ALS2CL: variants seen among roughly 807,000 people sequenced by gnomAD.
The protein encoded by ALS2CL is ALS2 C-terminal-like protein.
A neutral mutation model predicts 127.9 loss-of-function variants in ALS2CL; 112 were observed. The observed-to-expected ratio is 0.88, with a 90% confidence interval of 0.75 to 1.02. The LOEUF (loss-of-function observed/expected upper bound fraction) is 1.02, where lower values mean the gene tolerates loss of function less well. ALS2CL is among the 50% of genes least tolerant of loss of function. The probability of loss-of-function intolerance (pLI) is 0.00; values close to 1 mark genes in which losing one functional copy is unlikely to be tolerated. For synonymous variants in ALS2CL, 519 were observed against 527.6 expected (o/e 0.98, Z 0.22); for missense variants, 1,174 against 1,236.7 (o/e 0.95, Z 0.76).
At chr3:46,684,754 A>G (rs1199093463) in intron 7 of ALS2CL, among the ~76,000 whole-genome samples, 4 of 152,370 alleles carry the variant, frequency 2.6e-5, no homozygotes, top group South Asian at 4.1e-4. Flanking sequence ...GGGAAGGGAC[A>G]GTAGCTCATC....
intron 21 of ALS2CL, 34 bp downstream of exon 21, chr3:46,674,532 T>C: frequency 6.3e-7 from 1 of 1,589,574 alleles, no homozygotes; most frequent in Non-Finnish European, 8.6e-7. Flanking sequence ...GTTTGAGTCC[T>C]GGCTAACACG....
At chr3:46,692,981 G>C (rs1272638587) in intron 1 of ALS2CL, among the ~76,000 whole-genome samples, 1 of 152,134 alleles carries the variant, frequency 6.6e-6, no homozygotes, top group African/African-American at 2.4e-5. Context: ...TTTTTCATGG[G>C]CTGCCGTGGC....
intron 22 of ALS2CL, 37 bp from the exon 23 acceptor site, chr3:46,672,238 GC>G (rs1372333088): frequency 1.9e-6 from 3 of 1,610,576 alleles, no homozygotes; most frequent in Non-Finnish European, 1.7e-6. Context: ...TGAGGCCATG[GC>G]CCCCCAGCTC....
Position 46,675,685 on chromosome 3 carries a change from C to T in ALS2CL, c.2188G>A (p.Gly730Ser), listed in dbSNP as rs142971127. 14,458 of 1,613,614 alleles carry T rather than the reference C, an allele frequency of 9.0e-3. 84 individuals are homozygous for T. The highest frequency in any genetic ancestry group is 0.011 in the Non-Finnish European group (12,425 of 1,180,020). Residue 730 changes from glycine (G) to serine (S), a missense_variant and splice_region_variant, in exon 20 of 26, where the codon GGT becomes AGT. Gly to Ser is a moderately conservative substitution (Grantham distance 56). Coordinates refer to ENST00000318962, the MANE Select transcript of ALS2CL (RefSeq NM_147129.5). ...CGCTCTAAGGCAACTCGCAGCAGAC[C>T]CCTGTGAGTCAATGAGAGAGAAATG... is the stretch of plus-strand genomic sequence containing the variant. ...HAQELWAAYR[G>S]LLRVALERKG...
chr3:46,676,211 G>C, intron 19 of ALS2CL, 34 bp downstream of exon 19: 1 of 1,605,156 alleles, frequency 6.2e-7, no homozygotes, highest in Non-Finnish European at 8.5e-7. Flanking sequence ...TAGTGTCACA[G>C]GGCAGTAGCT....
At position 46,670,950 on chromosome 3, in the gene ALS2CL, G is replaced by A; in HGVS notation, c.*34C>T. The A allele has an allele frequency of 1.3e-6, 2 of 1,592,368 alleles. No individual in the cohort carries two copies. On this transcript the variant is annotated 3_prime_UTR_variant, in exon 26 of 26. Coordinates refer to ENST00000318962, the MANE Select transcript of ALS2CL (RefSeq NM_147129.5). This position sits in a 1 kb window ranked among gnomAD's most constrained non-coding sequence, Gnocchi z 5.5. ...ATGAGGGACAGGCTGGCAGTGCCCT[G>A]CTCAGCTCTTCAGTCTGTCCAGGAA...
At position 46,670,984 on chromosome 3, in the gene ALS2CL, C is replaced by T; in HGVS notation, c.2862G>A (p.Ter954=). The T allele has an allele frequency of 6.2e-7, 1 of 1,613,710 alleles. No individual in the cohort carries two copies. ...PGHWHSRELW[*] is the part of the protein sequence containing the mutation. ...TTCAGTCTGTCCAGGAAAGGCCAGG[C>T]TACCAGAGCTCCCTGGAGTGCCAGT... The change falls in exon 26 of 26, where the codon TAG becomes TAA. Residue 954 remains the stop codon, a stop_retained_variant. Transcript: ENST00000318962. The surrounding 1 kb of genome is among the most constrained non-coding windows in gnomAD (Gnocchi z 5.5).
intron 21 of ALS2CL, among the ~76,000 whole-genome samples, chr3:46,673,773 G>T (rs1446544779): frequency 6.6e-6 from 1 of 152,164 alleles, no homozygotes; most frequent in Non-Finnish European, 1.5e-5. Context: ...GGGCATGCTT[G>T]GGAAGCACTG....
Position 46,679,256 on chromosome 3 carries a change from G to A in ALS2CL, c.1580C>T (p.Ser527Phe). 1 of 1,588,574 alleles carries A rather than the reference G, an allele frequency of 6.3e-7. No homozygotes were observed. Among genetic ancestry groups the A allele is most frequent in the Non-Finnish European group, 8.6e-7 (1 of 1,166,984 alleles). ...CCTGGTGAAGGTGCCCTCATACAGG[G>A]AGTCGTCTTCAGAGAGGAGGATGCC... ...GPGILLSEDD[S>F]LYEGTFTRDL... Residue 527 changes from serine (S) to phenylalanine (F), a missense_variant, in exon 15 of 26, where the codon TCC becomes TTC. Physicochemically the swap from Ser to Phe is radical, Grantham distance 155. Transcript: ENST00000318962.
rs1166828474 is a variant in ALS2CL at position 46,688,252 on chromosome 3, A to G, written c.148T>C (p.Leu50=). Residue 50 remains leucine, a synonymous_variant, in exon 3 of 26, where the codon TTG becomes CTG. Transcript: ENST00000318962. The part of the protein sequence containing the change: ...DPWGRECLRL[L]QQLHKSSQQL... ...TGGGAGCTCTTGTGCAGCTGTTGCAAGAGCCGCAGGCACTCTCTGCCCCAG... is the reference window on the plus strand; with the variant it reads ...TGGGAGCTCTTGTGCAGCTGTTGCAGGAGCCGCAGGCACTCTCTGCCCCAG... The G allele has an allele frequency of 6.2e-7, 1 of 1,612,932 alleles. No homozygotes were observed. Among genetic ancestry groups the G allele is most frequent in the Non-Finnish European group, 8.5e-7 (1 of 1,179,988 alleles).
Position 46,689,481 on chromosome 3 carries a change from G to A in ALS2CL, c.-25-16C>T. 7.2e-6 allele frequency: 11 copies of A among 1,526,334 alleles called. No individual in the cohort carries two copies. Among genetic ancestry groups the A allele is most frequent in the Non-Finnish European group, 9.8e-6 (11 of 1,126,014 alleles). 94.5% of individuals were successfully genotyped at this position (1,526,334 alleles called of 1,614,324 possible). A position where few individuals can be genotyped will look rare whatever the true frequency, so the allele number is the denominator to read the frequency against. On this transcript the variant is annotated splice_polypyrimidine_tract_variant and intron_variant, in intron 1 of 25. Transcript: ENST00000318962. ...TCAGGGCCTCCTAGGTAGGGCACAG[G>A]TTACAGCTAGATAGCACAGACAGGA...
At position 46,679,468 on chromosome 3, in the gene ALS2CL, G is replaced by A. The variant is rs917759768; in HGVS notation, c.1549-181C>T. ...GGGACTCTAGCCTTTGGCCTGCTAA[G>A]CACCAGCCCCGAGGACCCCATCCCT... is the stretch of plus-strand genomic sequence containing the variant. On this transcript the variant is annotated intron_variant, in intron 14 of 25. Coordinates refer to ENST00000318962, the MANE Select transcript of ALS2CL (RefSeq NM_147129.5). 4 of 471,152 alleles carry A rather than the reference G, an allele frequency of 8.5e-6. No individual in the cohort carries two copies. The East Asian group carries it at 1.5e-4, about 18-fold the overall frequency. The allele number at this position is 471,152 out of a possible 1,614,324, so 29.2% of individuals were successfully genotyped here. A position where few individuals can be genotyped will look rare whatever the true frequency, so the allele number is the denominator to read the frequency against.
intron 6 of ALS2CL, 29 bp from the exon 7 acceptor site, chr3:46,685,673 C>A (rs375143114): frequency 1.9e-5 from 31 of 1,598,922 alleles, no homozygotes; most frequent in Non-Finnish European, 2.2e-5. Flanking sequence ...CAGTACAAGG[C>A]TTAGGCACCT....
chr3:46,691,849 C>A (rs781002510), intron 1 of ALS2CL, among the ~76,000 whole-genome samples: 2 of 151,846 alleles, frequency 1.3e-5, no homozygotes, highest in East Asian at 3.9e-4. Context: ...TGAGCCACTG[C>A]GCCCAGCCAA....
chr3:46,676,022 C>A, intron 19 of ALS2CL: 4 of 1,411,934 alleles, frequency 2.8e-6, no homozygotes, highest in Non-Finnish European at 3.7e-6. Flanking sequence ...CAGCCCAGCG[C>A]CTGGTTGGGT....
At position 46,681,242 on chromosome 3, in the gene ALS2CL, T is replaced by C; in HGVS notation, c.1436+4A>G. ...CCTGGGAGTGGTGGCTGCAGGGCGC[T>C]CACCTGTCACCATCCTCCTCAATGC... On this transcript the variant is annotated splice_donor_region_variant and intron_variant, in intron 13 of 25. Coordinates refer to ENST00000318962, the MANE Select transcript of ALS2CL (RefSeq NM_147129.5). The surrounding 1 kb of genome is among the most constrained non-coding windows in gnomAD (Gnocchi z 4.9). 1.2e-6 allele frequency: 2 copies of C among 1,613,636 alleles called. No homozygotes were observed. Among genetic ancestry groups the C allele is most frequent in the Non-Finnish European group, 1.7e-6 (2 of 1,179,936 alleles).
chr3:46,673,344 T>C lies in ALS2CL; in HGVS notation c.2467A>G (p.Asn823Asp). 6.4e-7 allele frequency: 1 copy of C among 1,565,354 alleles called. No homozygotes were observed. Among genetic ancestry groups the C allele is most frequent in the Non-Finnish European group, 8.7e-7 (1 of 1,154,672 alleles). Residue 823 changes from asparagine (N) to aspartate (D), a missense_variant, in exon 22 of 26, where the codon AAT (asparagine) becomes GAT (aspartate). Transcript: ENST00000318962. ...WPLKDLTLTS[N>D]QRYSLVRDKC... Reference sequence around the variant, plus strand: ...GGCTCTGGCCTCCCTCTCACCTGATTGCTCGTCAGCGTGAGGTCCTTGAGG... The same window carrying C: ...GGCTCTGGCCTCCCTCTCACCTGATCGCTCGTCAGCGTGAGGTCCTTGAGG...
intron 6 of ALS2CL, among the ~76,000 whole-genome samples, 198 bp from the exon 7 acceptor site, chr3:46,685,842 C>G (rs992031975): frequency 6.6e-6 from 1 of 152,202 alleles, no homozygotes; most frequent in Admixed American, 6.5e-5. Flanking sequence ...AGTGTCCCCT[C>G]CCACACCTCT....
In ALS2CL at chr3:46,681,247, T is replaced by C; in HGVS notation, c.1435A>G (p.Arg479Gly). ...SGYGIEEDGDRGERYIGMWQA... is the reference protein window; with the variant it reads ...SGYGIEEDGDGGERYIGMWQA... ...GAGTGGTGGCTGCAGGGCGCTCACC[T>C]GTCACCATCCTCCTCAATGCCATAG... is the stretch of plus-strand genomic sequence containing the variant. The change falls in exon 13 of 26, where the codon AGA becomes GGA. Residue 479 changes from arginine (R) to glycine (G), a missense_variant and splice_region_variant. By Grantham distance (125) the Arg-to-Gly change is moderately radical. Transcript: ENST00000318962. This position sits in a 1 kb window ranked among gnomAD's most constrained non-coding sequence, Gnocchi z 4.9. The C allele has an allele frequency of 6.2e-7, 1 of 1,613,790 alleles. No homozygotes were observed.
Sources: allele counts gnomAD v4.1 joint callset (sites outside exome capture counted in the v4.1 genomes callset), GRCh38; gene constraint gnomAD v4.1.1; non-coding constraint Gnocchi (gnomAD v3.1); transcripts MANE v1.5; gene names NCBI Gene and HGNC (gene_info 2026-07-23, HGNC 2026-07-21).